CXCL13: variants seen among roughly 807,000 people sequenced by gnomAD.
The protein encoded by CXCL13 is C-X-C motif chemokine ligand 13, also known as C-X-C motif chemokine 13.
CXCL13 carries 7 observed loss-of-function variants against 12.2 expected under a neutral mutation model. The observed-to-expected ratio is 0.57, with a 90% CI of 0.33 to 1.07. CXCL13 has a LOEUF of 1.07. Among genes scored for constraint, CXCL13 ranks in the 50% least tolerant of loss-of-function variants. The probability of loss-of-function intolerance (pLI) is 0.04; values close to 1 mark genes in which losing one functional copy is unlikely to be tolerated. For synonymous variants in CXCL13, 47 were observed against 42.4 expected, an observed-to-expected ratio of 1.11 and a Z score of -0.42; for missense variants, 113 against 127.4, an observed-to-expected ratio of 0.89 and a Z score of 0.55.
intron 1 of CXCL13, among the ~76,000 whole-genome samples, chr4:77,563,897 G>A (rs558007885): frequency 1.8e-4 from 28 of 152,192 alleles, no homozygotes; most frequent in Middle Eastern, 3.4e-3. Context: ...GGGAAAACTC[G>A]TTGTGTAAAT....
At chr4:77,557,648 C>T (rs542549541) in intron 1 of CXCL13, among the ~76,000 whole-genome samples, 1 of 152,332 alleles carries the variant, frequency 6.6e-6, no homozygotes, top group Non-Finnish European at 1.5e-5. Flanking sequence ...AGAACCACCA[C>T]CTGTTTTCTA....
chr4:77,564,312 G>A (rs1486067830), intron 1 of CXCL13, among the ~76,000 whole-genome samples: 1 of 152,170 alleles, frequency 6.6e-6, no homozygotes, highest in Non-Finnish European at 1.5e-5. Context: ...GTATCAGGAC[G>A]TTCTGTACTA....
At chr4:77,533,659 C>G (rs1421143453) in intron 1 of CXCL13, among the ~76,000 whole-genome samples, 2 of 152,190 alleles carry the variant, frequency 1.3e-5, no homozygotes, top group Non-Finnish European at 1.5e-5. Flanking sequence ...AGGCAGGCCT[C>G]CTTGAGCTGT....
intron 1 of CXCL13, among the ~76,000 whole-genome samples, chr4:77,517,090 G>C (rs1013890649): frequency 6.6e-6 from 1 of 152,094 alleles, no homozygotes; most frequent in Non-Finnish European, 1.5e-5. Context: ...GGAGCAGGTT[G>C]TTCATTTTCC....
At chr4:77,533,033 A>C (rs534701491) in intron 1 of CXCL13, among the ~76,000 whole-genome samples, 8 of 151,958 alleles carry the variant, frequency 5.3e-5, no homozygotes, top group Non-Finnish European at 1.2e-4. Flanking sequence ...TCTTCTCTCA[A>C]ATCATCATGG....
intron 1 of CXCL13, among the ~76,000 whole-genome samples, chr4:77,547,137 G>A (rs1725386504): frequency 6.6e-6 from 1 of 152,298 alleles, no homozygotes; most frequent in Middle Eastern, 3.4e-3. Flanking sequence ...TTTTACATTT[G>A]CTGAGGAGTG....
At chr4:77,597,201 A>C (rs1341955188) in intron 1 of CXCL13, among the ~76,000 whole-genome samples, 2 of 152,216 alleles carry the variant, frequency 1.3e-5, no homozygotes, top group East Asian at 3.8e-4. Flanking sequence ...ACTTAAAAAC[A>C]TTTTTAATTG....
chr4:77,515,849 A>G (rs1009490509), intron 1 of CXCL13, among the ~76,000 whole-genome samples: 1 of 152,176 alleles, frequency 6.6e-6, no homozygotes, highest in Non-Finnish European at 1.5e-5. Flanking sequence ...ACTATGTTGA[A>G]TGGGAGTGGT....
intron 1 of CXCL13, among the ~76,000 whole-genome samples, chr4:77,537,126 G>A (rs909346034): frequency 1.3e-5 from 2 of 152,192 alleles, no homozygotes; most frequent in Non-Finnish European, 1.5e-5. Context: ...TTTATTAAAC[G>A]GAATATTTAT....
At chr4:77,595,428 A>C (rs1726726452) in intron 1 of CXCL13, among the ~76,000 whole-genome samples, 1 of 152,214 alleles carries the variant, frequency 6.6e-6, no homozygotes, top group Non-Finnish European at 1.5e-5. Flanking sequence ...TATTGCCTGC[A>C]AGATAGTTTG....
Position 77,570,847 on chromosome 4 carries a change from G to A in CXCL13, c.-42-34977G>A, listed in dbSNP as rs555322443. Among the ~76,000 whole-genome samples, 714 of 152,078 alleles carry A rather than the reference G, an allele frequency of 4.7e-3. 21 individuals carry two copies. Among genetic ancestry groups the A allele is most frequent in the African/African-American group, 0.016 (655 of 41,334 alleles). ...AGGGTGTACTGGATCCCCAAGCAGT[G>A]CCAGCCCACCGGTGCTGCGCTCGAT... On this transcript the variant is annotated intron_variant, in intron 1 of 4. Coordinates refer to the CXCL13 transcript ENST00000286758.
At chr4:77,518,743 T>G (rs1473205581) in intron 1 of CXCL13, among the ~76,000 whole-genome samples, 1 of 152,218 alleles carries the variant, frequency 6.6e-6, no homozygotes, top group Non-Finnish European at 1.5e-5. Flanking sequence ...GGTTTGAATT[T>G]CCTCCTGTAG....
At chr4:77,557,863 G>A (rs1342382521) in intron 1 of CXCL13, among the ~76,000 whole-genome samples, 1 of 152,310 alleles carries the variant, frequency 6.6e-6, no homozygotes, top group South Asian at 2.1e-4. Context: ...ACTCACCCTG[G>A]TATGTGTACT....
chr4:77,567,088 C>A (rs796418449), intron 1 of CXCL13, among the ~76,000 whole-genome samples: 1 of 152,160 alleles, frequency 6.6e-6, no homozygotes, highest in South Asian at 2.1e-4. Context: ...CCCTCTCCAC[C>A]CTTGAGAAGT....
chr4:77,516,859 G>T (rs1374478621), intron 1 of CXCL13, among the ~76,000 whole-genome samples: 2 of 152,126 alleles, frequency 1.3e-5, no homozygotes, highest in African/African-American at 2.4e-5. Context: ...GCTTTTGAAT[G>T]TGTTTGCACT....
chr4:77,564,853 C>T (rs892553679), intron 1 of CXCL13, among the ~76,000 whole-genome samples: 1 of 152,124 alleles, frequency 6.6e-6, no homozygotes, highest in Non-Finnish European at 1.5e-5. Flanking sequence ...AGGCTGTGTC[C>T]CTGTGGTGCA....
At chr4:77,604,037 G>A (rs1219787821), upstream of CXCL13, among the ~76,000 whole-genome samples, 1 of 152,188 alleles carries the variant, frequency 6.6e-6, no homozygotes, top group Admixed American at 6.5e-5. Flanking sequence ...GACACTCAAA[G>A]GTGGCCTACT....
At chr4:77,567,965 A>G (rs377509720) in intron 1 of CXCL13, among the ~76,000 whole-genome samples, 12 of 152,016 alleles carry the variant, frequency 7.9e-5, no homozygotes, top group African/African-American at 2.7e-4. Context: ...ACTTTCCTTT[A>G]CTTTCTTAAT....
intron 1 of CXCL13, among the ~76,000 whole-genome samples, chr4:77,546,307 A>G (rs1040035722): frequency 1.3e-5 from 2 of 152,188 alleles, no homozygotes; most frequent in African/African-American, 2.4e-5. Flanking sequence ...TGATTGGAAT[A>G]GTTTCAGAAG....
Sources: gnomAD v4.1 joint callset for allele counts (sites outside exome capture counted in the v4.1 genomes callset) on GRCh38, gnomAD v4.1.1 for gene constraint, MANE v1.5 for transcripts, NCBI Gene and HGNC (gene_info 2026-07-23, HGNC 2026-07-21) for gene names.